Variants in PRMT8 observed in about 807,000 individuals in gnomAD.
PRMT8 encodes the protein protein arginine N-methyltransferase 8.
In PRMT8, 7 loss-of-function variants were observed where a neutral mutation model predicts 47.1. That is an observed-to-expected ratio of 0.15 (90% confidence interval 0.08 to 0.28). The LOEUF is 0.28. PRMT8 is among the 10% of genes least tolerant of loss of function. PRMT8 has a pLI of 1.00. For missense variants in PRMT8, 237 were observed against 505.4 expected (o/e 0.47, Z 5.09); for synonymous variants, 188 against 186.5 (o/e 1.01, Z -0.07).
chr12:3,589,369 T>C (rs1277795986), intron 8 of PRMT8, among the ~76,000 whole-genome samples: 1 of 152,110 alleles, frequency 6.6e-6, no homozygotes, highest in East Asian at 1.9e-4. Flanking sequence ...TCTGCAGATG[T>C]GGAAAAGGAG....
At chr12:3,420,804 G>GGATA (rs1591544397) in intron 1 of PRMT8, among the ~76,000 whole-genome samples, 1 of 152,318 alleles carries the variant, frequency 6.6e-6, no homozygotes, top group East Asian at 1.9e-4. Flanking sequence ...CCGTTTCTGT[G>GGATA]GATAGATGAA....
At chr12:3,403,876 C>CAA (rs1315547758) in intron 1 of PRMT8, among the ~76,000 whole-genome samples, 1,240 of 73,862 alleles carry the variant, frequency 0.017, 42 homozygotes, top group African/African-American at 0.052. Context: ...GACTCTGTCT[C>CAA]AAAAAAAAAA....
chr12:3,505,752 C>G (rs939197884), intron 1 of PRMT8, among the ~76,000 whole-genome samples: 6 of 152,196 alleles, frequency 3.9e-5, no homozygotes, highest in Non-Finnish European at 8.8e-5. Flanking sequence ...TTTGTCCACA[C>G]TCCCAACCCC....
intron 1 of PRMT8, among the ~76,000 whole-genome samples, chr12:3,478,351 T>C (rs1026277974): frequency 6.6e-6 from 1 of 152,152 alleles, no homozygotes; most frequent in Non-Finnish European, 1.5e-5. Flanking sequence ...CATGAGGTTA[T>C]AGATGATACC....
intron 1 of PRMT8, among the ~76,000 whole-genome samples, chr12:3,517,727 G>A (rs1028293175): frequency 5.3e-5 from 8 of 152,102 alleles, no homozygotes; most frequent in Non-Finnish European, 1.2e-4. Flanking sequence ...GGGAACAAGG[G>A]AAAGAGGGAA....
chr12:3,585,151 C>G (rs1056573601), intron 8 of PRMT8, among the ~76,000 whole-genome samples: 1 of 152,038 alleles, frequency 6.6e-6, no homozygotes, highest in East Asian at 1.9e-4. Flanking sequence ...ACAAATTGCT[C>G]TAAGAAGTGT....
intron 1 of PRMT8, among the ~76,000 whole-genome samples, chr12:3,440,720 G>C (rs1864791686): frequency 1.3e-5 from 2 of 152,162 alleles, no homozygotes; most frequent in Admixed American, 6.5e-5. Context: ...CTCTCAAGAA[G>C]TGAATGAGTG....
chr12:3,532,516 G>A (rs552393835), intron 1 of PRMT8, among the ~76,000 whole-genome samples: 28 of 144,220 alleles, frequency 1.9e-4, no homozygotes, highest in African/African-American at 5.6e-4. Flanking sequence ...GGAGGCTAAG[G>A]CAGGAGACTG....
intron 1 of PRMT8, among the ~76,000 whole-genome samples, chr12:3,424,557 T>G (rs1864581310): frequency 6.6e-6 from 1 of 152,134 alleles, no homozygotes; most frequent in South Asian, 2.1e-4. Context: ...GGGGACCCCT[T>G]TTTCTTCTGT....
At chr12:3,397,742 G>C (rs1864270927) in intron 1 of PRMT8, among the ~76,000 whole-genome samples, 1 of 152,104 alleles carries the variant, frequency 6.6e-6, no homozygotes, top group Non-Finnish European at 1.5e-5. Context: ...GCTCCCCCCA[G>C]TTCGTGCTTC....
rs1163674349 is a variant in PRMT8 at position 3,456,641 on chromosome 12, G to T, written c.48+75199G>T. Reference sequence around the variant, plus strand: ...AGGATGAAAGGCGAGGGAATGAGTGGACAGTGGGGAAGCTGACCTTAAGCG... The same window carrying T: ...AGGATGAAAGGCGAGGGAATGAGTGTACAGTGGGGAAGCTGACCTTAAGCG... On this transcript the variant is annotated intron_variant, in intron 1 of 9. Coordinates refer to the PRMT8 transcript ENST00000452611. This position sits in a 1 kb window ranked among gnomAD's most constrained non-coding sequence, Gnocchi z 4.2. Among the ~76,000 whole-genome samples, 1 of 152,202 alleles carries T rather than the reference G, an allele frequency of 6.6e-6. No homozygotes were observed. The highest frequency in any genetic ancestry group is 2.4e-5 in the African/African-American group (1 of 41,448).
chr12:3,407,505 A>G (rs1303893483), intron 1 of PRMT8, among the ~76,000 whole-genome samples: 2 of 152,094 alleles, frequency 1.3e-5, no homozygotes, highest in Admixed American at 6.6e-5. Context: ...TGATTCCCTT[A>G]TATGCAACTT....
At chr12:3,421,290 C>T (rs1023686834) in intron 1 of PRMT8, among the ~76,000 whole-genome samples, 2 of 152,168 alleles carry the variant, frequency 1.3e-5, no homozygotes, top group Non-Finnish European at 2.9e-5. Context: ...GACAGAAGGA[C>T]ACTCCTGCAA....
At chr12:3,497,232 GA>G (rs566351550) in intron 1 of PRMT8, among the ~76,000 whole-genome samples, 21 of 152,328 alleles carry the variant, frequency 1.4e-4, no homozygotes, top group Middle Eastern at 3.4e-3. Context: ...GTGCTGTTGT[GA>G]ACTGGCTTAG....
At chr12:3,578,122 A>G (rs778083189) in intron 7 of PRMT8, among the ~76,000 whole-genome samples, 1 of 152,098 alleles carries the variant, frequency 6.6e-6, no homozygotes, top group Non-Finnish European at 1.5e-5. Context: ...AGCCAAAAAA[A>G]TTTTTTTTGA....
At chr12:3,461,960 C>T (rs767308838) in intron 1 of PRMT8, among the ~76,000 whole-genome samples, 5 of 152,004 alleles carry the variant, frequency 3.3e-5, no homozygotes, top group African/African-American at 7.3e-5. Context: ...ACTCATGTCA[C>T]GAGGGTTTAT....
chr12:3,570,344 T>C lies in PRMT8; in HGVS notation c.712+780T>C, dbSNP rs542642711. Among the ~76,000 whole-genome samples, 4 of 152,328 alleles carry C rather than the reference T, an allele frequency of 2.6e-5. No individual in the cohort carries two copies. The South Asian group carries it at 8.3e-4, about 32-fold the overall frequency. On this transcript the variant is annotated intron_variant, in intron 6 of 9. Coordinates refer to ENST00000382622, the MANE Select transcript of PRMT8 (RefSeq NM_019854.5). This position sits in a 1 kb window ranked among gnomAD's most constrained non-coding sequence, Gnocchi z 5.5. ...TGAGATTATACCAAACATGTTTTTG[T>C]AAAGTTGAACATGGCTGTGTCTCCT...
chr12:3,440,371 A>T (rs532910645), intron 1 of PRMT8, among the ~76,000 whole-genome samples: 2 of 152,286 alleles, frequency 1.3e-5, no homozygotes, highest in Non-Finnish European at 2.9e-5. Flanking sequence ...CAGAGGCAGG[A>T]GAATTGCTAG....
intron 1 of PRMT8, among the ~76,000 whole-genome samples, chr12:3,385,168 G>A (rs770088128): frequency 2.1e-4 from 32 of 152,156 alleles, no homozygotes; most frequent in Admixed American, 6.5e-5. Context: ...TGTGCTAATT[G>A]ATTTATATCC....
Sources: allele counts gnomAD v4.1 joint callset (sites outside exome capture counted in the v4.1 genomes callset), GRCh38; gene constraint gnomAD v4.1.1; non-coding constraint Gnocchi (gnomAD v3.1); transcripts MANE v1.5; gene names NCBI Gene and HGNC (gene_info 2026-07-23, HGNC 2026-07-21).